APOH: variants seen among roughly 807,000 people sequenced by gnomAD.
The protein encoded by APOH is beta-2-glycoprotein 1.
A neutral mutation model predicts 39.8 loss-of-function variants in APOH; 48 were observed. That is an observed-to-expected ratio of 1.21 (90% CI 0.96 to 1.54). APOH has a LOEUF of 1.54. Ranked by LOEUF, APOH falls within the 40% of genes most tolerant of loss-of-function variation. APOH has a pLI of 0.00. For missense variants in APOH, 415 were observed against 421.2 expected (o/e 0.99, Z 0.13); for synonymous variants, 153 against 151.1 (o/e 1.01, Z -0.09).
Position 66,226,080 on chromosome 17 carries a change from G to C in APOH, c.286C>G (p.Arg96Gly). 2 of 1,613,470 alleles carry C rather than the reference G, an allele frequency of 1.2e-6. No individual in the cohort carries two copies. The highest frequency in any genetic ancestry group is 1.7e-6 in the Non-Finnish European group (2 of 1,179,752). Residue 96 changes from arginine to glycine, a missense_variant, in exon 3 of 8, where the codon CGC (arginine) becomes GGC (glycine). Coordinates refer to ENST00000205948, the MANE Select transcript of APOH (RefSeq NM_000042.3). The part of the protein sequence containing the change: ...FAGILENGAV[R>G]YTTFEYPNTI... ...TTGGGATATTCAAAAGTCGTATAGC[G>C]TACGGCTCCATTTTCTAAGATTCCA...
intron 7 of APOH, among the ~76,000 whole-genome samples, chr17:66,213,869 T>C (rs2073348969): frequency 6.6e-6 from 1 of 151,638 alleles, no homozygotes; most frequent in Non-Finnish European, 1.5e-5. Flanking sequence ...GCCCAGAAAG[T>C]AGAGGCTGCA....
intron 7 of APOH, among the ~76,000 whole-genome samples, chr17:66,212,942 G>A (rs1459684534): frequency 6.6e-6 from 1 of 152,030 alleles, no homozygotes; most frequent in Non-Finnish European, 1.5e-5. Flanking sequence ...TCTCACCAGG[G>A]CTCTGCTGTC....
intron 2 of APOH, 131 bp downstream of exon 2, chr17:66,227,889 T>C (rs1016622147): frequency 4.0e-5 from 37 of 921,276 alleles, no homozygotes; most frequent in Non-Finnish European, 6.1e-5. Flanking sequence ...GACCTTCTCA[T>C]TTCTCTCCAA....
chr17:66,217,903 A>T (rs961939022), intron 5 of APOH, among the ~76,000 whole-genome samples: 3 of 152,078 alleles, frequency 2.0e-5, no homozygotes, highest in African/African-American at 7.2e-5. Context: ...AGATTGCACC[A>T]TTATGCTCCA....
rs1436433568 is a variant in APOH at position 66,223,792 on chromosome 17, A to G, written c.339-18T>C. Reference sequence around the variant, plus strand: ...GATAAAACCTGCAAAAGGAAAATTCATTCTATCAAGGAGTAAAATAATCCA... The same window carrying G: ...GATAAAACCTGCAAAAGGAAAATTCGTTCTATCAAGGAGTAAAATAATCCA... On this transcript the variant is annotated intron_variant, in intron 3 of 7. Coordinates refer to ENST00000205948, the MANE Select transcript of APOH (RefSeq NM_000042.3). 1.9e-6 allele frequency: 3 copies of G among 1,610,642 alleles called. No individual in the cohort carries two copies. The highest frequency in any genetic ancestry group is 2.5e-6 in the Non-Finnish European group (3 of 1,176,904).
chr17:66,220,685 G>T lies in APOH; in HGVS notation c.473C>A (p.Pro158Gln). The stretch of plus-strand genomic sequence containing the variant: ...ATAGAGGGAATTGTTTCCAGCTGAT[G>T]GCTTATAAACACGAAGTGTTGCAAA... ...PTFATLRVYK[P>Q]SAGNNSLYRD... The change falls in exon 5 of 8, where the codon CCA becomes CAA. Residue 158 changes from proline (P) to glutamine (Q), a missense_variant. Physicochemically the swap from Pro to Gln is moderately conservative, Grantham distance 76. This residue lies in a region of APOH where 288 missense variants were observed against 284.9 expected (regional missense o/e 1.01). Transcript: ENST00000205948. The T allele has an allele frequency of 6.2e-7, 1 of 1,614,154 alleles. No homozygotes were observed. Among genetic ancestry groups the T allele is most frequent in the Non-Finnish European group, 8.5e-7 (1 of 1,180,020 alleles).
intron 2 of APOH, among the ~76,000 whole-genome samples, chr17:66,226,424 G>A (rs1285432363): frequency 6.6e-6 from 1 of 152,184 alleles, no homozygotes; most frequent in East Asian, 1.9e-4. Context: ...GATCACTTGA[G>A]GTCAGGAATT....
At chr17:66,218,364 C>T (rs906607537) in intron 5 of APOH, among the ~76,000 whole-genome samples, 1 of 151,790 alleles carries the variant, frequency 6.6e-6, no homozygotes, top group African/African-American at 2.4e-5. Flanking sequence ...GGCTGGAGTG[C>T]AGTGGTGCAA....
chr17:66,212,035 C>A lies in APOH; in HGVS notation c.*98G>T, dbSNP rs1294997174. ...CATGAAGCTAACACTGCAATGGGTG[C>A]GGCAATAAATTCAGTAGCTTTATTT... On this transcript the variant is annotated 3_prime_UTR_variant, in exon 8 of 8. Transcript: ENST00000205948. The A allele has an allele frequency of 3.0e-6, 3 of 1,006,054 alleles. No homozygotes were observed. Among genetic ancestry groups the A allele is most frequent in the East Asian group, 2.5e-5 (1 of 39,416 alleles). 62.3% of individuals were successfully genotyped at this position (1,006,054 alleles called of 1,614,324 possible).
In APOH at chr17:66,223,776, T is replaced by C. The variant is rs745798418; in HGVS notation, c.339-2A>G. 5 of 1,613,910 alleles carry C rather than the reference T, an allele frequency of 3.1e-6. No individual in the cohort carries two copies. The East Asian group carries it at 1.1e-4, about 36-fold the overall frequency. ...GAATCAGCGCCATTCAGATAAAACC[T>C]GCAAAAGGAAAATTCATTCTATCAA... On this transcript the variant is annotated splice_acceptor_variant, in intron 3 of 7. Coordinates refer to ENST00000205948, the MANE Select transcript of APOH (RefSeq NM_000042.3). LOFTEE classifies it high-confidence loss of function.
At chr17:66,220,444 G>T in intron 5 of APOH, 110 bp downstream of exon 5, 1 of 1,019,104 alleles carries the variant, frequency 9.8e-7, no homozygotes, top group Non-Finnish European at 1.5e-6. Context: ...TCAATAAACA[G>T]CTGTTGAATG....
chr17:66,214,622 G>A lies in APOH; in HGVS notation c.813C>T (p.Ala271=), dbSNP rs2073354080. 6.2e-7 allele frequency: 1 copy of A among 1,613,366 alleles called. No homozygotes were observed. The highest frequency in any genetic ancestry group is 1.3e-5 in the African/African-American group (1 of 74,808). ...CTCTCTCTCCTTGGTACACCACAGT[G>A]GCTTTTTTCACAGGTACTTTACAAG... The part of the protein sequence containing the change: ...KASCKVPVKK[A]TVVYQGERVK... The change falls in exon 7 of 8, where the codon GCC becomes GCT. Residue 271 remains alanine, a synonymous_variant. Transcript: ENST00000205948.
At chr17:66,217,255 C>A (rs1413992375) in intron 5 of APOH, among the ~76,000 whole-genome samples, 1 of 151,682 alleles carries the variant, frequency 6.6e-6, no homozygotes, top group East Asian at 1.9e-4. Context: ...TTGCAAACTT[C>A]ATCTCTACAC....
At position 66,223,656 on chromosome 17, in the gene APOH, G is replaced by T. The variant is rs192568694; in HGVS notation, c.415+42C>A. 1.7e-3 allele frequency: 2,638 copies of T among 1,577,766 alleles called. 3 individuals are homozygous for T. Among genetic ancestry groups the T allele is most frequent in the Middle Eastern group, 2.3e-3 (14 of 5,978 alleles). ...AGACTTTGAGTGCTAAAACCAGAAA[G>T]GTTCTGGGCAAACCAGCTGATCACC... On this transcript the variant is annotated intron_variant, in intron 4 of 7. Transcript: ENST00000205948.
intron 2 of APOH, 52 bp from the exon 3 acceptor site, chr17:66,226,176 T>A (rs767388609): frequency 8.0e-7 from 1 of 1,249,890 alleles, no homozygotes; most frequent in Non-Finnish European, 1.1e-6. Context: ...AAAAAAAACA[T>A]AAACAGGTAA....
intron 6 of APOH, among the ~76,000 whole-genome samples, chr17:66,215,072 G>T (rs553182899): frequency 2.1e-4 from 32 of 152,184 alleles, no homozygotes; most frequent in African/African-American, 7.7e-4. Context: ...CTGAAAAATT[G>T]CCTTCAGCCA....
intron 5 of APOH, among the ~76,000 whole-genome samples, chr17:66,219,726 C>T (rs942685213): frequency 1.3e-5 from 2 of 152,084 alleles, no homozygotes; most frequent in East Asian, 1.9e-4. Context: ...TCAGACCAGC[C>T]AGATGATCAT....
Position 66,228,083 on chromosome 17 carries a change from C to G in APOH, c.178G>C (p.Gly60Arg), listed in dbSNP as rs747560976. ...AGAGGGCAGATAAACTTTCTCATCC[C>G]TCCTCGGGACACATAGCCCGGCTTG... ...SCKPGYVSRG[G>R]MRKFICPLTG... The change falls in exon 2 of 8, where the codon GGG (glycine) becomes CGG (arginine). Residue 60 changes from glycine (G) to arginine (R), a missense_variant. Transcript: ENST00000205948. The G allele has an allele frequency of 5.0e-6, 8 of 1,614,094 alleles. No homozygotes were observed. The highest frequency in any genetic ancestry group is 5.9e-6 in the Non-Finnish European group (7 of 1,180,052).
chr17:66,223,759 G>T lies in APOH; in HGVS notation c.354C>A (p.Gly118=). 1.2e-6 allele frequency: 2 copies of T among 1,614,096 alleles called. No homozygotes were observed. Among genetic ancestry groups the T allele is most frequent in the Non-Finnish European group, 8.5e-7 (1 of 1,179,986 alleles). ...CCTCAGTGCACTTGGCAGAATCAGCGCCATTCAGATAAAACCTGCAAAAGG... is the reference window on the plus strand; with the variant it reads ...CCTCAGTGCACTTGGCAGAATCAGCTCCATTCAGATAAAACCTGCAAAAGG... ...FSCNTGFYLN[G]ADSAKCTEEG... The change falls in exon 4 of 8, where the codon GGC becomes GGA. Residue 118 remains glycine (G), a synonymous_variant. Coordinates refer to ENST00000205948, the MANE Select transcript of APOH (RefSeq NM_000042.3).
Sources: gnomAD v4.1 joint callset for allele counts (sites outside exome capture counted in the v4.1 genomes callset) on GRCh38, gnomAD v4.1.1 for gene constraint, gnomAD v4.1.1 regional missense constraint, MANE v1.5 for transcripts, NCBI Gene and HGNC (gene_info 2026-07-23, HGNC 2026-07-21) for gene names.